Variants in PDZRN3 observed in about 807,000 individuals in gnomAD.
PDZRN3 encodes the protein PDZ domain containing ring finger 3.
Under a neutral mutation model 85.7 loss-of-function variants are expected in PDZRN3, and 38 were observed. The ratio of observed to expected loss-of-function variants is 0.44; its 90% confidence interval spans 0.34 to 0.58. The LOEUF (loss-of-function observed/expected upper bound fraction) is 0.58. PDZRN3 is among the 20% of genes least tolerant of loss of function. The probability of loss-of-function intolerance (pLI) is 0.01; values close to 1 mark genes in which losing one functional copy is unlikely to be tolerated. For synonymous variants in PDZRN3, 759 were observed against 638.0 expected, an observed-to-expected ratio of 1.19 and a Z score of -2.86; for missense variants, 1,629 against 1,506.4, an observed-to-expected ratio of 1.08 and a Z score of -1.35.
chr3:73,385,778 T>A lies in PDZRN3; in HGVS notation c.1526A>T (p.Glu509Val), dbSNP rs144456252. The change falls in exon 9 of 10, where the codon GAG (glutamate) becomes GTG (valine). Residue 509 changes from glutamate (E) to valine (V), a missense_variant. Glu to Val is a moderately radical substitution (Grantham distance 121). Transcript: ENST00000263666. ...LIARPELQLDEGWMDDDRNDF... is the reference protein window; with the variant it reads ...LIARPELQLDVGWMDDDRNDF... ...GTTCCTGTCATCATCCATCCAGCCC[T>A]CATCCAGCTGCAGGCAAGAGCAGCC... The A allele has an allele frequency of 1.9e-6, 3 of 1,602,450 alleles. No homozygotes were observed. The African/African-American group carries it at 4.0e-5, about 21-fold the overall frequency.
At chr3:73,482,591 C>T (rs148387765) in intron 3 of PDZRN3, among the ~76,000 whole-genome samples, 34 of 152,236 alleles carry the variant, frequency 2.2e-4, no homozygotes, top group African/African-American at 7.7e-4. Context: ...TTTTTTAAAA[C>T]ATCATGTACC....
At chr3:73,529,006 T>C (rs1704591812) in intron 3 of PDZRN3, among the ~76,000 whole-genome samples, 1 of 152,002 alleles carries the variant, frequency 6.6e-6, no homozygotes, top group African/African-American at 2.4e-5. Context: ...CACCCTGTTT[T>C]CCAAAATCAC....
chr3:73,575,266 C>T (rs574160353), intron 3 of PDZRN3, among the ~76,000 whole-genome samples: 2 of 152,142 alleles, frequency 1.3e-5, no homozygotes, highest in African/African-American at 4.8e-5. Flanking sequence ...CAGTTCACGT[C>T]GGTGCCTGGA....
At chr3:73,418,856 A>G (rs749194219) in intron 3 of PDZRN3, among the ~76,000 whole-genome samples, 3 of 152,214 alleles carry the variant, frequency 2.0e-5, no homozygotes, top group Non-Finnish European at 2.9e-5. Flanking sequence ...TGTTTAGATG[A>G]CAGAATAACC....
intron 3 of PDZRN3, among the ~76,000 whole-genome samples, chr3:73,556,542 T>C (rs963545384): frequency 2.0e-5 from 3 of 152,178 alleles, no homozygotes; most frequent in Non-Finnish European, 2.9e-5. Context: ...GACTTTAGGA[T>C]GCCAGGTACA....
chr3:73,431,843 G>A (rs1163493238), intron 3 of PDZRN3, among the ~76,000 whole-genome samples: 4 of 152,036 alleles, frequency 2.6e-5, no homozygotes, highest in Admixed American at 6.6e-5. Context: ...CTCTTTTGGG[G>A]GCAGTCGTGT....
intron 3 of PDZRN3, among the ~76,000 whole-genome samples, chr3:73,591,656 C>A (rs1702358881): frequency 6.6e-6 from 1 of 152,052 alleles, no homozygotes; most frequent in Non-Finnish European, 1.5e-5. Flanking sequence ...TATTCCGGGG[C>A]CAAAATTGCA....
At chr3:73,568,601 G>A (rs554865871) in intron 3 of PDZRN3, among the ~76,000 whole-genome samples, 9 of 152,296 alleles carry the variant, frequency 5.9e-5, no homozygotes, top group African/African-American at 2.2e-4. Context: ...TATCACGCAT[G>A]TGAGACAGAC....
chr3:73,441,977 T>G (rs1051802969), intron 3 of PDZRN3, among the ~76,000 whole-genome samples: 1 of 152,122 alleles, frequency 6.6e-6, no homozygotes, highest in African/African-American at 2.4e-5. Context: ...GTCTGGGGGA[T>G]AGGAAGGGTC....
intron 2 of PDZRN3, among the ~76,000 whole-genome samples, chr3:73,607,176 G>A (rs769464011): frequency 6.6e-6 from 1 of 152,156 alleles, no homozygotes; most frequent in South Asian, 2.1e-4. Context: ...AGGTGAATGC[G>A]TGTAACACAA....
intron 3 of PDZRN3, among the ~76,000 whole-genome samples, chr3:73,551,092 G>A (rs943459529): frequency 6.6e-6 from 1 of 152,202 alleles, no homozygotes. Context: ...CTTGGAACAA[G>A]TAAACCAGCT....
chr3:73,566,245 A>G (rs1701948013), intron 3 of PDZRN3, among the ~76,000 whole-genome samples: 1 of 152,224 alleles, frequency 6.6e-6, no homozygotes, highest in South Asian at 2.1e-4. Context: ...CACTTCCTCT[A>G]GTACGAGGAT....
At chr3:73,466,294 T>C (rs1206970751) in intron 3 of PDZRN3, among the ~76,000 whole-genome samples, 1 of 150,864 alleles carries the variant, frequency 6.6e-6, no homozygotes, top group East Asian at 1.9e-4. Context: ...AATGCAGTTA[T>C]CACAGGATAG....
At chr3:73,604,160 C>T (rs1219079466) in intron 2 of PDZRN3, among the ~76,000 whole-genome samples, 1 of 152,186 alleles carries the variant, frequency 6.6e-6, no homozygotes, top group Non-Finnish European at 1.5e-5. Context: ...TAACCCTTTA[C>T]CATCTGAATA....
intron 3 of PDZRN3, among the ~76,000 whole-genome samples, chr3:73,442,879 A>G (rs1322420075): frequency 6.6e-6 from 1 of 152,056 alleles, no homozygotes; most frequent in Non-Finnish European, 1.5e-5. Flanking sequence ...GGAGTACACT[A>G]AGGTGCCTAG....
At position 73,610,595 on chromosome 3, in the gene PDZRN3, G is replaced by A. The variant is rs2106907692; in HGVS notation, c.724-1911C>T. 1.3e-5 allele frequency among the ~76,000 whole-genome samples: 2 copies of A among 152,288 alleles called. 1 individual carries two copies. Among genetic ancestry groups the A allele is most frequent in the East Asian group, 3.9e-4 (2 of 5,188 alleles). On this transcript the variant is annotated intron_variant, in intron 1 of 9. Coordinates refer to ENST00000263666, the MANE Select transcript of PDZRN3 (RefSeq NM_015009.3). The stretch of plus-strand genomic sequence containing the variant: ...TTTCTTACTTTGCTATCTTAAAGGG[G>A]TGAAAAGTTAGAAATACATGGGAAT...
intron 3 of PDZRN3, among the ~76,000 whole-genome samples, chr3:73,427,380 G>T (rs190398672): frequency 4.3e-4 from 65 of 152,240 alleles, no homozygotes; most frequent in South Asian, 1.7e-3. Context: ...GATTAGTGGG[G>T]CTCTGCTGTG....
chr3:73,569,473 C>T, intron 3 of PDZRN3: 1 of 1,106,718 alleles, frequency 9.0e-7, no homozygotes, highest in South Asian at 2.3e-5. Context: ...CTGACAATTT[C>T]CACTGCACAG....
chr3:73,454,288 G>A (rs1702934563), intron 3 of PDZRN3, among the ~76,000 whole-genome samples: 1 of 152,166 alleles, frequency 6.6e-6, no homozygotes, highest in African/African-American at 2.4e-5. Context: ...GAACCAGAGA[G>A]TGTAGAGAAA....
Sources: gnomAD v4.1 joint callset for allele counts (sites outside exome capture counted in the v4.1 genomes callset) on GRCh38, gnomAD v4.1.1 for gene constraint, MANE v1.5 for transcripts, NCBI Gene and HGNC (gene_info 2026-07-23, HGNC 2026-07-21) for gene names.